CDH12: variants seen among roughly 807,000 people sequenced by gnomAD.
CDH12 encodes the protein cadherin 12.
A neutral mutation model predicts 74.1 loss-of-function variants in CDH12; 41 were observed. The observed-to-expected ratio is 0.55, with a 90% CI of 0.43 to 0.72. The LOEUF is 0.72. Ranked by LOEUF, CDH12 falls within the 30% of genes least tolerant of loss-of-function variation. The pLI, the probability that CDH12 is intolerant of heterozygous loss-of-function variation, is 0.00. For missense variants in CDH12, 945 were observed against 977.2 expected (o/e 0.97, Z 0.44); for synonymous variants, 399 against 355.0 (o/e 1.12, Z -1.39).
intron 1 of CDH12, among the ~76,000 whole-genome samples, chr5:22,735,894 T>C (rs1744689334): frequency 6.6e-6 from 1 of 151,812 alleles, no homozygotes; most frequent in Non-Finnish European, 1.5e-5. Context: ...ATACGAAAAG[T>C]TATAAGATAG....
intron 3 of CDH12, among the ~76,000 whole-genome samples, chr5:22,391,393 A>G (rs1742242304): frequency 6.6e-6 from 1 of 152,232 alleles, no homozygotes; most frequent in Non-Finnish European, 1.5e-5. Context: ...ATTGAATGCC[A>G]GCCATTTGAA....
In CDH12 at chr5:22,829,981, A is replaced by G. The variant is rs549334996; in HGVS notation, c.-523+23077T>C. ...TTTTGTATTTATGTCAGCATAAAAC[A>G]TATGTACCAGATATTAGGTTATATA... On this transcript the variant is annotated intron_variant, in intron 1 of 14. Transcript: ENST00000382254. Among the ~76,000 whole-genome samples the G allele has an allele frequency of 6.6e-5, 10 of 152,356 alleles. No homozygotes were observed. In the South Asian group the frequency reaches 1.2e-3, roughly 19 times the overall value.
intron 4 of CDH12, chr5:22,142,378 G>A (rs1746857839): frequency 2.1e-6 from 1 of 483,536 alleles, no homozygotes; most frequent in Non-Finnish European, 4.0e-6. Context: ...GGATTATGCT[G>A]TCACAAAAAC....
chr5:22,262,709 T>C (rs1161530268), intron 3 of CDH12, among the ~76,000 whole-genome samples: 1 of 151,724 alleles, frequency 6.6e-6, no homozygotes, highest in Non-Finnish European at 1.5e-5. Flanking sequence ...CCACAATGGT[T>C]GAACTAGTTT....
At chr5:22,329,673 G>A (rs7710321) in intron 3 of CDH12, among the ~76,000 whole-genome samples, 64,425 of 151,972 alleles carry the variant, frequency 0.42, 13,648 homozygotes, top group South Asian at 0.49. Flanking sequence ...CCCCAGCAGC[G>A]GCCCTGATAC....
At chr5:21,825,010 C>T (rs908054567) in intron 8 of CDH12, among the ~76,000 whole-genome samples, 11 of 151,882 alleles carry the variant, frequency 7.2e-5, no homozygotes, top group Admixed American at 3.3e-4. Flanking sequence ...AAAAATTAGC[C>T]GGGTGTGGTA....
chr5:22,362,822 A>G (rs1740871740), intron 3 of CDH12, among the ~76,000 whole-genome samples: 1 of 151,444 alleles, frequency 6.6e-6, no homozygotes, highest in Non-Finnish European at 1.5e-5. Context: ...TCAGCAAACT[A>G]TCCCAAGGAC....
intron 1 of CDH12, among the ~76,000 whole-genome samples, chr5:22,805,623 C>A (rs1025171742): frequency 2.0e-5 from 3 of 151,906 alleles, no homozygotes; most frequent in Admixed American, 2.0e-4. Context: ...AATCATCAAA[C>A]ATTTAGCATT....
chr5:22,621,721 A>G (rs927611307), intron 1 of CDH12, among the ~76,000 whole-genome samples: 1 of 152,110 alleles, frequency 6.6e-6, no homozygotes, highest in African/African-American at 2.4e-5. Flanking sequence ...AAACAAACTT[A>G]TAACACTAAA....
At chr5:21,854,607 G>C (rs1750652420) in intron 7 of CDH12, 64 bp downstream of exon 7, 1 of 1,356,238 alleles carries the variant, frequency 7.4e-7, no homozygotes, top group East Asian at 2.5e-5. Flanking sequence ...CCCATGCCAA[G>C]ATTTAATTAA....
At chr5:22,517,895 T>G (rs1736873308) in intron 1 of CDH12, among the ~76,000 whole-genome samples, 1 of 152,198 alleles carries the variant, frequency 6.6e-6, no homozygotes, top group African/African-American at 2.4e-5. Flanking sequence ...AGAAAATATC[T>G]CACACATTAA....
chr5:22,698,664 A>T (rs1742510077), intron 1 of CDH12, among the ~76,000 whole-genome samples: 1 of 122,936 alleles, frequency 8.1e-6, no homozygotes. Context: ...ATTTAGCTGC[A>T]TTCAATCCCC....
chr5:21,791,680 G>C (rs1160251184), intron 10 of CDH12, among the ~76,000 whole-genome samples: 1 of 82,534 alleles, frequency 1.2e-5, no homozygotes, highest in East Asian at 3.0e-4. Context: ...AGTGATTGTT[G>C]CTAAAAAAAA....
At chr5:22,201,190 C>T (rs1332935480) in intron 4 of CDH12, among the ~76,000 whole-genome samples, 1 of 152,134 alleles carries the variant, frequency 6.6e-6, no homozygotes, top group Non-Finnish European at 1.5e-5. Context: ...CCAAACCTCA[C>T]ATTGAAATGG....
chr5:22,826,128 T>C (rs1736311539), intron 1 of CDH12, among the ~76,000 whole-genome samples: 2 of 152,144 alleles, frequency 1.3e-5, no homozygotes, highest in Non-Finnish European at 2.9e-5. Context: ...TCATGTATTG[T>C]GGGACAGACA....
intron 5 of CDH12, among the ~76,000 whole-genome samples, chr5:22,007,944 A>C: frequency 6.6e-6 from 1 of 152,090 alleles, no homozygotes; most frequent in Non-Finnish European, 1.5e-5. Context: ...TGTTGTGTAC[A>C]TGCATGTTTT....
At chr5:22,094,387 C>T (rs1743620220) in intron 4 of CDH12, among the ~76,000 whole-genome samples, 2 of 152,108 alleles carry the variant, frequency 1.3e-5, no homozygotes, top group Admixed American at 1.3e-4. Context: ...AATGTCAATA[C>T]ATAATGGTAT....
intron 1 of CDH12, among the ~76,000 whole-genome samples, chr5:22,511,986 G>A (rs1282078401): frequency 2.0e-5 from 3 of 151,952 alleles, no homozygotes; most frequent in African/African-American, 7.3e-5. Flanking sequence ...TGGGGTTTGT[G>A]TGTGTTTGTT....
intron 3 of CDH12, among the ~76,000 whole-genome samples, chr5:22,343,317 C>G (rs900757075): frequency 6.4e-5 from 6 of 93,974 alleles, no homozygotes; most frequent in African/African-American, 1.8e-4. Flanking sequence ...CACACAGACA[C>G]ACACACAGAG....
Sources: gnomAD v4.1 joint callset for allele counts (sites outside exome capture counted in the v4.1 genomes callset) on GRCh38, gnomAD v4.1.1 for gene constraint, MANE v1.5 for transcripts, NCBI Gene and HGNC (gene_info 2026-07-23, HGNC 2026-07-21) for gene names.